Variants in NIPBL observed in about 807,000 individuals in gnomAD.
NIPBL encodes NIPBL cohesin loading factor.
NIPBL carries 19 observed loss-of-function variants against 321.8 expected under a neutral mutation model. The ratio of observed to expected loss-of-function variants is 0.06; its 90% CI spans 0.04 to 0.09. The LOEUF is 0.09. Among genes scored for constraint, NIPBL ranks in the 10% least tolerant of loss-of-function variants. The pLI is 1.00. For synonymous variants in NIPBL, 1,106 were observed against 1,114.1 expected (o/e 0.99, Z 0.14); for missense variants, 2,210 against 3,327.0 (o/e 0.66, Z 8.26).
rs1312666096 is a variant in NIPBL at position 36,988,824 on chromosome 5, TATTC to T, written c.3121+2528_3121+2531del. ...TTTTACCTGATGTTCATATAGAAAA[TATTC>T]ATTCTTTAGGATATATTTTAAGCTG... is the stretch of plus-strand genomic sequence containing the variant. On this transcript the variant is annotated intron_variant, in intron 10 of 46. Coordinates refer to ENST00000282516, the MANE Select transcript of NIPBL (RefSeq NM_133433.4). Among the ~76,000 whole-genome samples the T allele has an allele frequency of 1.2e-4, 19 of 152,238 alleles. No homozygotes were observed. In the East Asian group the frequency reaches 3.3e-3, roughly 26 times the overall value.
intron 8 of NIPBL, among the ~76,000 whole-genome samples, chr5:36,975,111 A>G (rs958721943): frequency 2.6e-5 from 4 of 152,028 alleles, no homozygotes; most frequent in African/African-American, 9.7e-5. Context: ...AAATTTACTG[A>G]ACTTATTTAT....
intron 1 of NIPBL, among the ~76,000 whole-genome samples, chr5:36,879,289 TC>T (rs1229797559): frequency 6.6e-6 from 1 of 152,236 alleles, no homozygotes; most frequent in Non-Finnish European, 1.5e-5. Flanking sequence ...TGTGATTGAT[TC>T]TTTTTTTTCC....
intron 1 of NIPBL, among the ~76,000 whole-genome samples, chr5:36,920,825 ATT>A (rs373949491): frequency 7.4e-6 from 1 of 135,532 alleles, no homozygotes; most frequent in Admixed American, 7.3e-5. Context: ...TTGTTCCTTA[ATT>A]TTTTTTTTTT....
At chr5:36,949,099 CA>C (rs900074548) in intron 1 of NIPBL, among the ~76,000 whole-genome samples, 1 of 151,758 alleles carries the variant, frequency 6.6e-6, no homozygotes, top group African/African-American at 2.4e-5. Flanking sequence ...GAACTTTACA[CA>C]TATTATTTCA....
rs145468637 is a variant in NIPBL at position 36,926,876 on chromosome 5, A to G, written c.-79-26742A>G. On this transcript the variant is annotated intron_variant, in intron 1 of 46. Transcript: ENST00000282516. ...ATTGTGTAAATTCAAGTTGAAAAAAATTGGTAATAGGGCAAATGGTTTCAT... is the reference window on the plus strand; with the variant it reads ...ATTGTGTAAATTCAAGTTGAAAAAAGTTGGTAATAGGGCAAATGGTTTCAT... 7.2e-3 allele frequency among the ~76,000 whole-genome samples: 1,093 copies of G among 152,296 alleles called. 18 individuals are homozygous for G. Among genetic ancestry groups the G allele is most frequent in the African/African-American group, 0.025 (1,043 of 41,564 alleles).
chr5:36,959,080 G>T (rs748508153), intron 4 of NIPBL, among the ~76,000 whole-genome samples: 1 of 152,042 alleles, frequency 6.6e-6, no homozygotes, highest in Non-Finnish European at 1.5e-5. Context: ...TATGGTGTGC[G>T]CCTGTAGTCC....
intron 31 of NIPBL, among the ~76,000 whole-genome samples, chr5:37,026,950 A>G (rs1198820111): frequency 6.6e-6 from 1 of 151,894 alleles, no homozygotes; most frequent in East Asian, 1.9e-4. Flanking sequence ...AATTCTGTAT[A>G]TTCAATTACA....
chr5:36,971,716 A>G (rs1742871334), intron 7 of NIPBL: 1 of 616,716 alleles, frequency 1.6e-6, no homozygotes, highest in Non-Finnish European at 2.0e-6. Flanking sequence ...GCATACTAGT[A>G]ATACAAATTT....
intron 1 of NIPBL, among the ~76,000 whole-genome samples, chr5:36,941,162 CAT>C (rs1368611695): frequency 6.6e-6 from 1 of 151,904 alleles, no homozygotes; most frequent in African/African-American, 2.4e-5. Flanking sequence ...GATAAGAAAA[CAT>C]AGGTAAAGAG....
chr5:36,943,538 A>T (rs185288272), intron 1 of NIPBL, among the ~76,000 whole-genome samples: 20 of 152,078 alleles, frequency 1.3e-4, no homozygotes, highest in Non-Finnish European at 2.8e-4. Context: ...TAAAATCCAT[A>T]TGTAACTATA....
chr5:36,881,018 AG>A (rs762339978), intron 1 of NIPBL, among the ~76,000 whole-genome samples: 5 of 152,042 alleles, frequency 3.3e-5, no homozygotes, highest in Admixed American at 2.0e-4. Flanking sequence ...GGTATTGCTC[AG>A]TGCTGACACT....
intron 1 of NIPBL, among the ~76,000 whole-genome samples, chr5:36,920,756 C>T (rs1160252966): frequency 6.6e-6 from 1 of 152,076 alleles, no homozygotes; most frequent in Admixed American, 6.6e-5. Flanking sequence ...AGCTTGACCA[C>T]CTTATATACT....
chr5:37,045,444 T>C lies in NIPBL; in HGVS notation c.6345T>C (p.Gly2115=). 3.1e-6 allele frequency: 5 copies of C among 1,600,280 alleles called. No individual in the cohort carries two copies. Among genetic ancestry groups the C allele is most frequent in the Non-Finnish European group, 2.6e-6 (3 of 1,167,956 alleles). The part of the protein sequence containing the change: ...FVWACFNRYY[G]AISKLKSQHQ... ...GTAAATATTACTTATCTTTATTAGGTGCCATTTCAAAATTAAAAAGTCAAC... is the reference window on the plus strand; with the variant it reads ...GTAAATATTACTTATCTTTATTAGGCGCCATTTCAAAATTAAAAAGTCAAC... Residue 2115 remains glycine (G), a splice_region_variant and synonymous_variant, in exon 37 of 47, where the codon GGT becomes GGC. Coordinates refer to ENST00000282516, the MANE Select transcript of NIPBL (RefSeq NM_133433.4).
At chr5:36,999,611 C>T (rs1746550518) in intron 11 of NIPBL, among the ~76,000 whole-genome samples, 2 of 152,186 alleles carry the variant, frequency 1.3e-5, no homozygotes. Flanking sequence ...AATCTGTTTG[C>T]CAGGTCTGCC....
At chr5:36,891,423 C>T (rs1010603565) in intron 1 of NIPBL, among the ~76,000 whole-genome samples, 1 of 152,106 alleles carries the variant, frequency 6.6e-6, no homozygotes, top group African/African-American at 2.4e-5. Context: ...GGGGTGGTCA[C>T]CTAATTTAGA....
At position 37,022,237 on chromosome 5, in the gene NIPBL, T is replaced by C. The variant is rs768029684; in HGVS notation, c.5428-7T>C. The stretch of plus-strand genomic sequence containing the variant: ...TAAATTGTTTTTTTCTCTTCATTTT[T>C]CTTTAGCTTGATATGCAACGAGGTG... On this transcript the variant is annotated splice_polypyrimidine_tract_variant and splice_region_variant and intron_variant, in intron 28 of 46. Coordinates refer to ENST00000282516, the MANE Select transcript of NIPBL (RefSeq NM_133433.4). The C allele has an allele frequency of 3.1e-6, 5 of 1,613,950 alleles. No homozygotes were observed. Among genetic ancestry groups the C allele is most frequent in the Middle Eastern group, 3.3e-4 (2 of 6,082 alleles).
chr5:37,038,746 TAGA>T lies in NIPBL; in HGVS notation c.6108+9_6108+11del. The stretch of plus-strand genomic sequence containing the variant: ...CTTACCACTAAATGTAGTGTAAGTA[TAGA>T]GCTGTCTTATTCTTGTATCTTACAT... On this transcript the variant is annotated intron_variant, in intron 34 of 46. Coordinates refer to ENST00000282516, the MANE Select transcript of NIPBL (RefSeq NM_133433.4). 2 of 1,612,364 alleles carry T rather than the reference TAGA, an allele frequency of 1.2e-6. No individual in the cohort carries two copies. The highest frequency in any genetic ancestry group is 1.7e-6 in the Non-Finnish European group (2 of 1,179,210).
intron 1 of NIPBL, among the ~76,000 whole-genome samples, chr5:36,909,321 C>T (rs1490155272): frequency 1.3e-5 from 2 of 152,160 alleles, no homozygotes; most frequent in African/African-American, 4.8e-5. Flanking sequence ...AAAAGCTTCA[C>T]ATTGGACATG....
intron 1 of NIPBL, among the ~76,000 whole-genome samples, chr5:36,898,299 T>A (rs1746932992): frequency 2.0e-5 from 3 of 152,110 alleles, no homozygotes; most frequent in Non-Finnish European, 4.4e-5. Flanking sequence ...GGTCTTAAAA[T>A]AGATGTAGAG....
Sources: gnomAD v4.1 joint callset for allele counts (sites outside exome capture counted in the v4.1 genomes callset) on GRCh38, gnomAD v4.1.1 for gene constraint, MANE v1.5 for transcripts, NCBI Gene and HGNC (gene_info 2026-07-23, HGNC 2026-07-21) for gene names.